FHAD1: variants seen among roughly 807,000 people sequenced by gnomAD.
FHAD1 encodes forkhead-associated domain-containing protein 1.
Under a neutral mutation model 191.3 loss-of-function variants are expected in FHAD1, and 146 were observed. The observed-to-expected ratio is 0.76, with a 90% CI of 0.67 to 0.88. The LOEUF (loss-of-function observed/expected upper bound fraction) is 0.88, where lower values mean the gene tolerates loss of function less well. Ranked by LOEUF, FHAD1 falls within the 40% of genes least tolerant of loss-of-function variation. The pLI, the probability that FHAD1 is intolerant of heterozygous loss-of-function variation, is 0.00. For synonymous variants in FHAD1, 616 were observed against 672.3 expected (o/e 0.92, Z 1.29); for missense variants, 1,635 against 1,785.8 (o/e 0.92, Z 1.52).
At chr1:15,275,435 C>T (rs552412121) in intron 3 of FHAD1, among the ~76,000 whole-genome samples, 1 of 152,312 alleles carries the variant, frequency 6.6e-6, no homozygotes, top group African/African-American at 2.4e-5. Flanking sequence ...GGGGGCAAGC[C>T]GAGCCTCTGT....
At chr1:15,350,001 T>G (rs547416845) in intron 19 of FHAD1, among the ~76,000 whole-genome samples, 1 of 152,304 alleles carries the variant, frequency 6.6e-6, no homozygotes, top group Admixed American at 6.5e-5. Flanking sequence ...GGCATCTCCA[T>G]GAGCTGGGCT....
At chr1:15,251,295 CCA>C (rs1557914151) in intron 1 of FHAD1, among the ~76,000 whole-genome samples, 1 of 42,140 alleles carries the variant, frequency 2.4e-5, no homozygotes, top group African/African-American at 2.1e-4. Context: ...ACAAAAAAAA[CCA>C]CCCATTTTAT....
chr1:15,367,720 G>A (rs1570326612), intron 25 of FHAD1, 98 bp downstream of exon 25: 2 of 962,834 alleles, frequency 2.1e-6, no homozygotes, highest in Non-Finnish European at 3.0e-6. Flanking sequence ...TGCTTGAGGA[G>A]TTGAATGAAT....
At chr1:15,367,718 G>A (rs984408633) in intron 25 of FHAD1, 96 bp downstream of exon 25, 2 of 972,592 alleles carry the variant, frequency 2.1e-6, no homozygotes, top group African/African-American at 3.3e-5. Context: ...GCTGCTTGAG[G>A]AGTTGAATGA....
At chr1:15,286,492 A>T (rs1662464155) in intron 3 of FHAD1, among the ~76,000 whole-genome samples, 1 of 152,168 alleles carries the variant, frequency 6.6e-6, no homozygotes, top group Non-Finnish European at 1.5e-5. Flanking sequence ...ACAGAGTGAG[A>T]CGCTGTTTCA....
intron 3 of FHAD1, among the ~76,000 whole-genome samples, chr1:15,282,427 G>T (rs1194165368): frequency 6.6e-6 from 1 of 152,180 alleles, no homozygotes; most frequent in Non-Finnish European, 1.5e-5. Flanking sequence ...CTCACAGAGG[G>T]TTTTTATTGA....
intron 1 of FHAD1, among the ~76,000 whole-genome samples, chr1:15,241,859 A>C (rs1191832619): frequency 6.6e-6 from 1 of 152,200 alleles, no homozygotes; most frequent in African/African-American, 2.4e-5. Context: ...ATGGTGTCTC[A>C]GCCCATTTGT....
intron 26 of FHAD1, among the ~76,000 whole-genome samples, chr1:15,369,920 A>G (rs1214532648): frequency 6.6e-6 from 1 of 152,210 alleles, no homozygotes; most frequent in South Asian, 2.1e-4. Flanking sequence ...AATACATTTT[A>G]TGTATATACA....
At chr1:15,399,439 G>A (rs114677851), downstream of FHAD1, among the ~76,000 whole-genome samples, 455 of 152,172 alleles carry the variant, frequency 3.0e-3, 1 homozygote, top group African/African-American at 0.01. Flanking sequence ...GGTGGTGTGT[G>A]CCAGTAGTCA....
At chr1:15,317,788 C>G (rs1379779701) in intron 9 of FHAD1, 36 bp from the exon 10 acceptor site, 4 of 1,456,274 alleles carry the variant, frequency 2.7e-6, no homozygotes, top group African/African-American at 1.4e-5. Flanking sequence ...CTCCTGCCCC[C>G]ATCAGGGAGG....
At chr1:15,384,902 A>T (rs1414424162) in intron 31 of FHAD1, among the ~76,000 whole-genome samples, 2 of 152,144 alleles carry the variant, frequency 1.3e-5, no homozygotes, top group African/African-American at 4.8e-5. Flanking sequence ...AGGAGGTCGG[A>T]GGGCAGTGTC....
At position 15,345,206 on chromosome 1, in the gene FHAD1, A is replaced by AGCT. The variant is rs1277217281; in HGVS notation, c.2238+17_2238+18insCTG. The AGCT allele has an allele frequency of 3.9e-6, 6 of 1,541,732 alleles. No homozygotes were observed. Among genetic ancestry groups the AGCT allele is most frequent in the Non-Finnish European group, 5.3e-6 (6 of 1,138,058 alleles). ...GCAGAAGAAGGTATGTGGCTCAGGG[A>AGCT]GACAGAGTCAGCTCGAGCCCCACTG... On this transcript the variant is annotated intron_variant, in intron 17 of 33. Transcript: ENST00000688493.
At chr1:15,348,129 ACTTTTCT>A (rs1430451323) in intron 18 of FHAD1, among the ~76,000 whole-genome samples, 2 of 152,226 alleles carry the variant, frequency 1.3e-5, no homozygotes, top group African/African-American at 4.8e-5. Context: ...TTATGATGTC[ACTTTTCT>A]TCTGCTTTAA....
At chr1:15,258,558 A>G (rs555902174) in intron 2 of FHAD1, among the ~76,000 whole-genome samples, 5 of 148,722 alleles carry the variant, frequency 3.4e-5, no homozygotes, top group Non-Finnish European at 5.9e-5. Context: ...TGCTATAAAC[A>G]TGAGTGTCCA....
chr1:15,302,717 C>CA lies in FHAD1; in HGVS notation c.915+1289dup, dbSNP rs570219323. Among the ~76,000 whole-genome samples, 426 of 133,464 alleles carry CA rather than the reference C, an allele frequency of 3.2e-3. 2 individuals are homozygous for CA. Among genetic ancestry groups the CA allele is most frequent in the East Asian group, 0.016 (74 of 4,622 alleles). The allele number at this position is 133,464 out of a possible 152,430, so 87.6% of individuals were successfully genotyped here. A position where few individuals can be genotyped will look rare whatever the true frequency, so the allele number is the denominator to read the frequency against. On this transcript the variant is annotated intron_variant, in intron 6 of 33. Coordinates refer to ENST00000688493, the MANE Select transcript of FHAD1 (RefSeq NM_001391957.1). ...TGGGCGACAGAGCGAGACTCCGTCT[C>CA]AAAAAAAAAAAAAGTGGTCAGTGAT... is the stretch of plus-strand genomic sequence containing the variant.
chr1:15,358,049 G>A (rs969934540), intron 20 of FHAD1, 61 bp from the exon 21 acceptor site: 2 of 1,224,138 alleles, frequency 1.6e-6, no homozygotes, highest in Non-Finnish European at 2.2e-6. Context: ...GGGGGATAAG[G>A]GGGCTGGGTA....
chr1:15,349,392 A>G (rs973814486), intron 19 of FHAD1, among the ~76,000 whole-genome samples: 1 of 152,224 alleles, frequency 6.6e-6, no homozygotes, highest in Non-Finnish European at 1.5e-5. Context: ...TCAGGTGTCA[A>G]GTACATAGGA....
chr1:15,331,266 A>G (rs1681256738), intron 14 of FHAD1, among the ~76,000 whole-genome samples: 1 of 151,838 alleles, frequency 6.6e-6, no homozygotes, highest in South Asian at 2.1e-4. Flanking sequence ...GATAGGTAAT[A>G]ATGATGTATC....
intron 22 of FHAD1, among the ~76,000 whole-genome samples, chr1:15,361,317 C>G (rs1305927430): frequency 6.6e-6 from 1 of 152,188 alleles, no homozygotes; most frequent in Non-Finnish European, 1.5e-5. Flanking sequence ...TGGGCACTAT[C>G]AGGTGTTAGC....
Sources: gnomAD v4.1 joint callset for allele counts (sites outside exome capture counted in the v4.1 genomes callset) on GRCh38, gnomAD v4.1.1 for gene constraint, MANE v1.5 for transcripts, NCBI Gene and HGNC (gene_info 2026-07-23, HGNC 2026-07-21) for gene names.